The following SH3GL3 variants were observed in gnomAD, a reference collection of about 807,000 sequenced individuals.
SH3GL3 encodes endophilin-A3.
A neutral mutation model predicts 47.7 loss-of-function variants in SH3GL3; 33 were observed. That is an observed-to-expected ratio of 0.69 (90% CI 0.52 to 0.92). SH3GL3 has a LOEUF of 0.92. SH3GL3 is among the 40% of genes least tolerant of loss of function. The probability of loss-of-function intolerance (pLI) is 0.00; values close to 1 mark genes in which losing one functional copy is unlikely to be tolerated. For missense variants in SH3GL3, 363 were observed against 417.8 expected (o/e 0.87, Z 1.14); for synonymous variants, 155 against 148.8 (o/e 1.04, Z -0.30).
chr15:83,463,750 G>A (rs1025696982), intron 1 of SH3GL3, among the ~76,000 whole-genome samples: 1 of 122,848 alleles, frequency 8.1e-6, no homozygotes. Context: ...GTTGTCCCAT[G>A]TCTGCTTTCT....
chr15:83,504,399 C>A (rs1304200758), intron 1 of SH3GL3, among the ~76,000 whole-genome samples: 1 of 152,174 alleles, frequency 6.6e-6, no homozygotes, highest in Non-Finnish European at 1.5e-5. Flanking sequence ...CATACCCACC[C>A]AGGATTGTTC....
intron 4 of SH3GL3, among the ~76,000 whole-genome samples, chr15:83,570,476 G>T (rs1181541856): frequency 6.6e-6 from 1 of 152,064 alleles, no homozygotes; most frequent in African/African-American, 2.4e-5. Flanking sequence ...ACACTTACTG[G>T]TTTTATTTTT....
intron 1 of SH3GL3, among the ~76,000 whole-genome samples, chr15:83,543,017 G>A (rs1283045753): frequency 6.6e-6 from 1 of 151,446 alleles, no homozygotes; most frequent in Non-Finnish European, 1.5e-5. Flanking sequence ...GTACTATGTT[G>A]AATAACAGTG....
At chr15:83,530,210 G>A (rs555089387) in intron 1 of SH3GL3, among the ~76,000 whole-genome samples, 1 of 152,058 alleles carries the variant, frequency 6.6e-6, no homozygotes, top group African/African-American at 2.4e-5. Flanking sequence ...AGTGTGTAGA[G>A]CACTGTTAGT....
chr15:83,492,611 C>T lies in SH3GL3; in HGVS notation c.45+45033C>T, dbSNP rs542457087. 1.8e-4 allele frequency among the ~76,000 whole-genome samples: 27 copies of T among 152,260 alleles called. 1 individual carries two copies. The South Asian group carries it at 4.8e-3, about 27-fold the overall frequency. ...TGTCCCCAAGGTTACACATGGTAAG[C>T]GGAGCAGAGTGCCCGAGAATTAATG... is the stretch of plus-strand genomic sequence containing the variant. On this transcript the variant is annotated intron_variant, in intron 1 of 8. Coordinates refer to ENST00000427482, the MANE Select transcript of SH3GL3 (RefSeq NM_003027.5).
chr15:83,461,219 A>G (rs1245484368), intron 1 of SH3GL3, among the ~76,000 whole-genome samples: 1 of 152,204 alleles, frequency 6.6e-6, no homozygotes, highest in Non-Finnish European at 1.5e-5. Context: ...TTTTTCTCAT[A>G]AAGTCATCTG....
the SH3GL3 span, among the ~76,000 whole-genome samples, chr15:83,630,974 C>T: frequency 6.6e-6 from 1 of 152,126 alleles, no homozygotes; most frequent in East Asian, 1.9e-4. Flanking sequence ...TATGATCCTG[C>T]AAAATAAAAA....
intron 1 of SH3GL3, among the ~76,000 whole-genome samples, chr15:83,459,541 G>C (rs1177643329): frequency 6.6e-6 from 1 of 152,196 alleles, no homozygotes; most frequent in African/African-American, 2.4e-5. Context: ...TGCAGGACCA[G>C]AGCAACAAGA....
chr15:83,505,739 AG>A (rs1156734208), intron 1 of SH3GL3, among the ~76,000 whole-genome samples: 2 of 152,066 alleles, frequency 1.3e-5, no homozygotes, highest in East Asian at 3.9e-4. Flanking sequence ...AATGTTGGCG[AG>A]GCTGGTCACG....
At chr15:83,561,532 C>A (rs1176353767) in intron 2 of SH3GL3, among the ~76,000 whole-genome samples, 1 of 151,922 alleles carries the variant, frequency 6.6e-6, no homozygotes, top group Non-Finnish European at 1.5e-5. Context: ...CAAATTAAAT[C>A]ACTCTAGGTA....
chr15:83,457,769 T>A (rs2040069874), intron 1 of SH3GL3, among the ~76,000 whole-genome samples: 1 of 152,248 alleles, frequency 6.6e-6, no homozygotes, highest in Non-Finnish European at 1.5e-5. Flanking sequence ...ATCCTTTTTT[T>A]TAAAGTCAGG....
the SH3GL3 span, among the ~76,000 whole-genome samples, chr15:83,627,057 G>A: frequency 6.6e-6 from 1 of 152,160 alleles, no homozygotes; most frequent in Non-Finnish European, 1.5e-5. Flanking sequence ...TGAAGATGCA[G>A]ATTATAGCTT....
intron 1 of SH3GL3, among the ~76,000 whole-genome samples, chr15:83,485,719 A>G (rs1333297179): frequency 6.6e-6 from 1 of 151,438 alleles, no homozygotes; most frequent in Non-Finnish European, 1.5e-5. Flanking sequence ...CTGGTCTCGA[A>G]CTCCTGGGCT....
At chr15:83,500,861 C>G (rs1385048913) in intron 1 of SH3GL3, among the ~76,000 whole-genome samples, 1 of 152,208 alleles carries the variant, frequency 6.6e-6, no homozygotes, top group Non-Finnish European at 1.5e-5. Context: ...GCTCTCTTTC[C>G]TCACTCTTAC....
intron 1 of SH3GL3, among the ~76,000 whole-genome samples, chr15:83,525,351 C>CATGTGT (rs145469175): frequency 1.4e-5 from 2 of 147,982 alleles, no homozygotes; most frequent in Non-Finnish European, 3.0e-5. Context: ...ATTCTTTGTG[C>CATGTGT]GTGTGTGTGT....
intron 1 of SH3GL3, among the ~76,000 whole-genome samples, chr15:83,514,426 T>C (rs1596152665): frequency 6.6e-6 from 1 of 151,176 alleles, no homozygotes; most frequent in East Asian, 1.9e-4. Flanking sequence ...AAAGGGTGGG[T>C]TGGAGGGAGC....
At chr15:83,463,041 C>G (rs536227300) in intron 1 of SH3GL3, among the ~76,000 whole-genome samples, 1 of 152,204 alleles carries the variant, frequency 6.6e-6, no homozygotes, top group East Asian at 1.9e-4. Flanking sequence ...AGGATAAAGT[C>G]AGTTCTGTCA....
At chr15:83,548,740 A>G (rs1258725044) in intron 1 of SH3GL3, among the ~76,000 whole-genome samples, 1 of 152,138 alleles carries the variant, frequency 6.6e-6, no homozygotes, top group Non-Finnish European at 1.5e-5. Flanking sequence ...CAGTTTGACT[A>G]TAATGTGCCT....
chr15:83,492,873 C>T (rs1405852583), intron 1 of SH3GL3, among the ~76,000 whole-genome samples: 1 of 152,212 alleles, frequency 6.6e-6, no homozygotes, highest in Admixed American at 6.5e-5. Flanking sequence ...CTACCAGTTT[C>T]ACTGGGGTCA....
Sources: allele counts gnomAD v4.1 joint callset (sites outside exome capture counted in the v4.1 genomes callset), GRCh38; gene constraint gnomAD v4.1.1; transcripts MANE v1.5; gene names NCBI Gene and HGNC (gene_info 2026-07-23, HGNC 2026-07-21).